SEMA6D: variants seen among roughly 807,000 people sequenced by gnomAD.
SEMA6D encodes the protein semaphorin 6D, also known as semaphorin-6D.
SEMA6D carries 35 observed loss-of-function variants against 106.6 expected under a neutral mutation model. The observed-to-expected ratio is 0.33, with a 90% CI of 0.25 to 0.44. The LOEUF is 0.44. Ranked by LOEUF, SEMA6D falls within the 20% of genes least tolerant of loss-of-function variation. The pLI is 1.00. For synonymous variants in SEMA6D, 499 were observed against 487.7 expected (o/e 1.02, Z -0.31); for missense variants, 1,185 against 1,345.9 (o/e 0.88, Z 1.87).
chr15:47,269,602 T>C (rs1175033913), intron 1 of SEMA6D, among the ~76,000 whole-genome samples: 1 of 152,116 alleles, frequency 6.6e-6, no homozygotes, highest in Non-Finnish European at 1.5e-5. Flanking sequence ...AATTAAATTG[T>C]TTTTAGCTTT....
At chr15:47,653,432 C>T (rs1203495434) in intron 4 of SEMA6D, among the ~76,000 whole-genome samples, 3 of 152,180 alleles carry the variant, frequency 2.0e-5, no homozygotes, top group African/African-American at 7.2e-5. Flanking sequence ...TTCTCAAACC[C>T]AGAGAAAATG....
chr15:47,547,150 T>A (rs1187770887), intron 3 of SEMA6D, among the ~76,000 whole-genome samples: 5 of 152,168 alleles, frequency 3.3e-5, no homozygotes, highest in Admixed American at 3.3e-4. Context: ...TATTATTTCT[T>A]ATACATCTTG....
intron 1 of SEMA6D, among the ~76,000 whole-genome samples, chr15:47,350,762 T>C (rs1467718966): frequency 6.6e-6 from 1 of 152,236 alleles, no homozygotes; most frequent in Non-Finnish European, 1.5e-5. Flanking sequence ...ACAGATGTTG[T>C]GGGTTCAAAT....
chr15:47,332,522 C>T (rs557580696), intron 1 of SEMA6D, among the ~76,000 whole-genome samples: 7 of 152,240 alleles, frequency 4.6e-5, no homozygotes, highest in Admixed American at 6.5e-5. Flanking sequence ...TGGCACAAAA[C>T]GGGGGAGATG....
At chr15:47,446,969 A>C (rs2042046702) in intron 2 of SEMA6D, among the ~76,000 whole-genome samples, 1 of 152,106 alleles carries the variant, frequency 6.6e-6, no homozygotes, top group Non-Finnish European at 1.5e-5. Flanking sequence ...CAACATCCGG[A>C]AATCACGACA....
At chr15:47,234,955 A>C (rs1354683161) in intron 1 of SEMA6D, among the ~76,000 whole-genome samples, 1 of 152,108 alleles carries the variant, frequency 6.6e-6, no homozygotes, top group African/African-American at 2.4e-5. Flanking sequence ...ATTAATTTAC[A>C]TTCCCACCAG....
At chr15:47,367,712 A>G (rs1225547657) in intron 1 of SEMA6D, among the ~76,000 whole-genome samples, 32 of 150,038 alleles carry the variant, frequency 2.1e-4, no homozygotes, top group African/African-American at 2.5e-5. Context: ...ACACACACAC[A>G]CACACACACA....
At chr15:47,672,722 T>A (rs2078162345) in intron 4 of SEMA6D, among the ~76,000 whole-genome samples, 1 of 152,194 alleles carries the variant, frequency 6.6e-6, no homozygotes, top group Admixed American at 6.5e-5. Flanking sequence ...GGTAATTATA[T>A]AGCATCAATA....
At position 47,764,925 on chromosome 15, in the gene SEMA6D, C is replaced by G. The variant is rs1181515646; in HGVS notation, c.1296C>G (p.Pro432=). Residue 432 remains proline (P), a synonymous_variant, in exon 13 of 19, where the codon CCC becomes CCG. Transcript: ENST00000536845. Reference sequence around the variant, plus strand: ...TCTCAGTGGACCATTCAGCCGGACCCTACCAGAACTACACAGTCATCTTTG... The same window carrying G: ...TCTCAGTGGACCATTCAGCCGGACCGTACCAGAACTACACAGTCATCTTTG... ...TAISVDHSAG[P]YQNYTVIFVG... The G allele has an allele frequency of 2.5e-6, 4 of 1,613,840 alleles. No individual in the cohort carries two copies. The highest frequency in any genetic ancestry group is 2.2e-5 in the East Asian group (1 of 44,848).
At chr15:47,533,784 A>G (rs1202093906) in intron 3 of SEMA6D, among the ~76,000 whole-genome samples, 2 of 152,234 alleles carry the variant, frequency 1.3e-5, no homozygotes, top group African/African-American at 2.4e-5. Context: ...TGGAGGATGG[A>G]TGGAACTTGT....
chr15:47,561,195 C>T (rs1320460448), intron 3 of SEMA6D, among the ~76,000 whole-genome samples: 1 of 151,950 alleles, frequency 6.6e-6, no homozygotes, highest in Non-Finnish European at 1.5e-5. Flanking sequence ...GGACACATTA[C>T]AGGCGGTTTA....
At chr15:47,219,675 A>G (rs926585040) in intron 1 of SEMA6D, among the ~76,000 whole-genome samples, 1 of 152,214 alleles carries the variant, frequency 6.6e-6, no homozygotes, top group Non-Finnish European at 1.5e-5. Flanking sequence ...CTGGGGCTAG[A>G]TAGAATTATA....
intron 1 of SEMA6D, among the ~76,000 whole-genome samples, chr15:47,222,006 C>G (rs1216492236): frequency 2.7e-5 from 4 of 150,938 alleles, no homozygotes; most frequent in African/African-American, 9.7e-5. Flanking sequence ...CAAGCGCACA[C>G]ACACACACAC....
chr15:47,463,989 C>A (rs2042588029), intron 2 of SEMA6D, among the ~76,000 whole-genome samples: 1 of 152,150 alleles, frequency 6.6e-6, no homozygotes, highest in Non-Finnish European at 1.5e-5. Flanking sequence ...GCCTCTCTCT[C>A]ATAAGGATAC....
chr15:47,599,449 C>CTTT (rs34592398), intron 3 of SEMA6D, among the ~76,000 whole-genome samples: 1 of 146,744 alleles, frequency 6.8e-6, no homozygotes, highest in African/African-American at 2.5e-5. Flanking sequence ...CTGCCTTACG[C>CTTT]TTTTTTTTTT....
chr15:47,604,005 C>G (rs1394133491), intron 4 of SEMA6D: 1 of 152,136 alleles, frequency 6.6e-6, no homozygotes, highest in Admixed American at 6.6e-5. Flanking sequence ...AGCATACAGC[C>G]CAACTTAGTC....
chr15:47,598,976 A>G (rs1464913479), intron 3 of SEMA6D, among the ~76,000 whole-genome samples: 1 of 152,092 alleles, frequency 6.6e-6, no homozygotes, highest in Non-Finnish European at 1.5e-5. Flanking sequence ...CACTTTTCAT[A>G]TCATCCTAAG....
chr15:47,302,904 T>C (rs765817950), intron 1 of SEMA6D, among the ~76,000 whole-genome samples: 34 of 152,128 alleles, frequency 2.2e-4, no homozygotes, highest in Non-Finnish European at 4.1e-4. Flanking sequence ...CACTGATACA[T>C]GGTAATTTAT....
intron 1 of SEMA6D, among the ~76,000 whole-genome samples, chr15:47,743,387 T>C (rs1439029778): frequency 1.3e-5 from 2 of 152,190 alleles, no homozygotes; most frequent in African/African-American, 4.8e-5. Context: ...TCAATGTTTT[T>C]TTTTTCTTGA....
Sources: allele counts gnomAD v4.1 joint callset (sites outside exome capture counted in the v4.1 genomes callset), GRCh38; gene constraint gnomAD v4.1.1; transcripts MANE v1.5; gene names NCBI Gene and HGNC (gene_info 2026-07-23, HGNC 2026-07-21).